The following EPB41L3 variants were observed in gnomAD, a reference collection of about 807,000 sequenced individuals.
EPB41L3 encodes band 4.1-like protein 3.
EPB41L3 carries 57 observed loss-of-function variants against 127.1 expected under a neutral mutation model. That is an observed-to-expected ratio of 0.45 (90% CI 0.36 to 0.56). The LOEUF is 0.56. Ranked by LOEUF, EPB41L3 falls within the 20% of genes least tolerant of loss-of-function variation. EPB41L3 has a pLI of 0.00. For synonymous variants in EPB41L3, 572 were observed against 549.5 expected (o/e 1.04, Z -0.57); for missense variants, 1,273 against 1,372.2 (o/e 0.93, Z 1.14).
At chr18:5,444,181 G>A (rs1311136883) in intron 4 of EPB41L3, among the ~76,000 whole-genome samples, 1 of 152,204 alleles carries the variant, frequency 6.6e-6, no homozygotes, top group Non-Finnish European at 1.5e-5. Context: ...AGACAGAAGA[G>A]TCTATGTTCA....
chr18:5,437,145 C>T (rs537061003), intron 6 of EPB41L3, among the ~76,000 whole-genome samples: 1 of 152,258 alleles, frequency 6.6e-6, no homozygotes, highest in South Asian at 2.1e-4. Context: ...TCCTCCCCTC[C>T]AAATCCATAT....
intron 1 of EPB41L3, among the ~76,000 whole-genome samples, chr18:5,623,983 T>C (rs937544019): frequency 1.3e-5 from 2 of 151,840 alleles, no homozygotes; most frequent in East Asian, 1.9e-4. Flanking sequence ...CCATAAGAAA[T>C]TGAATCTTCT....
At chr18:5,538,379 C>G (rs967480807) in intron 1 of EPB41L3, among the ~76,000 whole-genome samples, 1 of 152,198 alleles carries the variant, frequency 6.6e-6, no homozygotes, top group Admixed American at 6.5e-5. Flanking sequence ...GATGCATATT[C>G]ACAAACAATG....
intron 3 of EPB41L3, among the ~76,000 whole-genome samples, chr18:5,553,690 C>G (rs1425981667): frequency 6.6e-6 from 1 of 152,224 alleles, no homozygotes; most frequent in Admixed American, 6.5e-5. Context: ...AGCCACTTCT[C>G]ACTGCACCTG....
At chr18:5,598,218 G>C (rs2094555709) in intron 3 of EPB41L3, among the ~76,000 whole-genome samples, 1 of 152,168 alleles carries the variant, frequency 6.6e-6, no homozygotes, top group Non-Finnish European at 1.5e-5. Flanking sequence ...CAACATTTCT[G>C]AGTGAAGTTG....
At chr18:5,431,549 A>G (rs1332806418) in intron 8 of EPB41L3, among the ~76,000 whole-genome samples, 1 of 152,224 alleles carries the variant, frequency 6.6e-6, no homozygotes, top group African/African-American at 2.4e-5. Context: ...TTAATTCTGT[A>G]GCTATAGCAA....
rs1183883231 is a variant in EPB41L3 at position 5,489,146 on chromosome 18, G to A, written c.38C>T (p.Pro13Leu). 16 of 1,595,228 alleles carry A rather than the reference G, an allele frequency of 1.0e-5. No individual in the cohort carries two copies. The highest frequency in any genetic ancestry group is 1.8e-5 in the Admixed American group (1 of 55,260). ...CTCCTGGGGCTCGGCCTCCTGGTCC[G>A]GCTTGGATTCCGAGTCTGATCCAGA... is the stretch of plus-strand genomic sequence containing the variant. ...TESGSDSESK[P>L]DQEAEPQEAA... is the part of the protein sequence containing the mutation. The change falls in exon 2 of 23, where the codon CCG becomes CTG. Residue 13 changes from proline (P) to leucine (L), a missense_variant. By Grantham distance (98) the Pro-to-Leu change is moderately conservative. This residue lies in a region of EPB41L3 where 182 missense variants were observed against 149.2 expected (regional missense o/e 1.22). Coordinates refer to ENST00000341928, the MANE Select transcript of EPB41L3 (RefSeq NM_012307.5).
At chr18:5,627,364 C>T (rs2094933518) in intron 1 of EPB41L3, among the ~76,000 whole-genome samples, 1 of 152,176 alleles carries the variant, frequency 6.6e-6, no homozygotes, top group South Asian at 2.1e-4. Flanking sequence ...GAATCAAACA[C>T]TTCTGAAAGT....
chr18:5,550,976 C>T (rs1310911141), intron 3 of EPB41L3, among the ~76,000 whole-genome samples: 2 of 152,222 alleles, frequency 1.3e-5, no homozygotes, highest in Non-Finnish European at 2.9e-5. Context: ...TCCATCAACT[C>T]TAATCTGCTT....
At chr18:5,548,394 C>T (rs7231142), upstream of EPB41L3, among the ~76,000 whole-genome samples, 35,796 of 151,974 alleles carry the variant, frequency 0.24, 5,773 homozygotes, top group African/African-American at 0.46. Flanking sequence ...AGATGCAAAA[C>T]GAAATAAAGT....
At chr18:5,579,233 G>A (rs547709927) in intron 3 of EPB41L3, among the ~76,000 whole-genome samples, 2 of 152,222 alleles carry the variant, frequency 1.3e-5, no homozygotes, top group African/African-American at 4.8e-5. Context: ...TGCATAAACA[G>A]GAAAGTAAAG....
chr18:5,610,238 C>CA (rs1568643733), intron 3 of EPB41L3: 1 of 984,856 alleles, frequency 1.0e-6, no homozygotes. Flanking sequence ...GAAGGGTGAG[C>CA]AAAAAAGAGA....
intron 2 of EPB41L3, among the ~76,000 whole-genome samples, chr18:5,485,437 A>C (rs1250678066): frequency 6.6e-6 from 1 of 152,068 alleles, no homozygotes; most frequent in African/African-American, 2.4e-5. Context: ...GGACTAGAAC[A>C]AGTAAAGGAT....
intron 1 of EPB41L3, among the ~76,000 whole-genome samples, chr18:5,531,731 C>CAA (rs57625472): frequency 6.9e-4 from 47 of 67,768 alleles, no homozygotes; most frequent in African/African-American, 1.4e-3. Context: ...GACCCTGTCT[C>CAA]AAAAAAAAAA....
intron 3 of EPB41L3, among the ~76,000 whole-genome samples, chr18:5,562,511 C>A (rs773554546): frequency 5.1e-4 from 78 of 152,090 alleles, no homozygotes; most frequent in Non-Finnish European, 3.7e-4. Context: ...GTTAAAGTTA[C>A]TTTTCTGTAA....
At chr18:5,609,525 GA>G (rs2143999970) in intron 3 of EPB41L3, among the ~76,000 whole-genome samples, 1 of 152,244 alleles carries the variant, frequency 6.6e-6, no homozygotes, top group East Asian at 1.9e-4. Flanking sequence ...CTCAGCTTTG[GA>G]AGAACAAAGT....
intron 3 of EPB41L3, among the ~76,000 whole-genome samples, chr18:5,553,952 C>G (rs2093999780): frequency 6.6e-6 from 1 of 152,230 alleles, no homozygotes; most frequent in Non-Finnish European, 1.5e-5. Context: ...CCGTCCCACT[C>G]CAGGCACTCT....
chr18:5,621,207 G>A (rs1308441717), intron 1 of EPB41L3, among the ~76,000 whole-genome samples: 1 of 152,044 alleles, frequency 6.6e-6, no homozygotes, highest in Admixed American at 6.6e-5. Context: ...GGCCAAAATC[G>A]GAGCAAGTAA....
chr18:5,516,730 A>T (rs2092766469), intron 1 of EPB41L3, among the ~76,000 whole-genome samples: 1 of 152,238 alleles, frequency 6.6e-6, no homozygotes, highest in African/African-American at 2.4e-5. Flanking sequence ...AAATATATAC[A>T]TTTAGCCCAC....
Sources: gnomAD v4.1 joint callset for allele counts (sites outside exome capture counted in the v4.1 genomes callset) on GRCh38, gnomAD v4.1.1 for gene constraint, gnomAD v4.1.1 regional missense constraint, MANE v1.5 for transcripts, NCBI Gene and HGNC (gene_info 2026-07-23, HGNC 2026-07-21) for gene names.